CNTNAP2: variants seen among roughly 807,000 people sequenced by gnomAD.
CNTNAP2 encodes the protein contactin-associated protein-like 2.
Under a neutral mutation model 155.2 loss-of-function variants are expected in CNTNAP2, and 98 were observed. The observed-to-expected ratio is 0.63, with a 90% CI of 0.54 to 0.75. CNTNAP2 has a LOEUF of 0.75. CNTNAP2 is among the 30% of genes least tolerant of loss of function. The probability of loss-of-function intolerance (pLI) is 0.00; values close to 1 mark genes in which losing one functional copy is unlikely to be tolerated. For synonymous variants in CNTNAP2, 651 were observed against 631.2 expected (o/e 1.03, Z -0.47); for missense variants, 1,727 against 1,688.1 (o/e 1.02, Z -0.40).
At chr7:146,640,554 C>T (rs181223062) in intron 1 of CNTNAP2, among the ~76,000 whole-genome samples, 2 of 152,124 alleles carry the variant, frequency 1.3e-5, no homozygotes, top group African/African-American at 2.4e-5. Flanking sequence ...GGAAATTTAG[C>T]AAATTAGTTT....
intron 21 of CNTNAP2, among the ~76,000 whole-genome samples, chr7:148,347,727 A>G (rs1221007153): frequency 6.6e-6 from 1 of 152,272 alleles, no homozygotes; most frequent in African/African-American, 2.4e-5. Flanking sequence ...AGAGAAGCTC[A>G]GAGACCAACA....
At position 146,334,430 on chromosome 7, in the gene CNTNAP2, C is replaced by CAAAA. The variant is rs1179295401; in HGVS notation, c.97+217471_97+217474dup. Among the ~76,000 whole-genome samples, 269 of 94,026 alleles carry CAAAA rather than the reference C, an allele frequency of 2.9e-3. 2 individuals carry two copies. In the Middle Eastern group the frequency reaches 0.029, roughly 10 times the overall value. The allele number at this position is 94,026 out of a possible 152,430, so 61.7% of individuals were successfully genotyped here. A position where few individuals can be genotyped will look rare whatever the true frequency, so the allele number is the denominator to read the frequency against. On this transcript the variant is annotated intron_variant, in intron 1 of 23. Transcript: ENST00000361727. ...TGGGCGACAGAGCAAGACTCCGTCT[C>CAAAA]AAAAAAAAAAAAAAAAAGCATCCAA...
chr7:146,745,250 C>A (rs1015902762), intron 1 of CNTNAP2, among the ~76,000 whole-genome samples: 3 of 152,122 alleles, frequency 2.0e-5, no homozygotes, highest in Non-Finnish European at 4.4e-5. Context: ...TGCTAGGCAC[C>A]CAGAATTAGT....
At chr7:146,259,609 G>A (rs1186089694) in intron 1 of CNTNAP2, among the ~76,000 whole-genome samples, 2 of 152,158 alleles carry the variant, frequency 1.3e-5, no homozygotes, top group Admixed American at 6.6e-5. Context: ...AAACTTAGGA[G>A]AGATGATTTA....
At chr7:147,502,528 G>T (rs1049345666) in intron 11 of CNTNAP2, among the ~76,000 whole-genome samples, 4 of 152,054 alleles carry the variant, frequency 2.6e-5, no homozygotes, top group Non-Finnish European at 5.9e-5. Context: ...TGATCAAAAG[G>T]TACAAACTTT....
intron 1 of CNTNAP2, among the ~76,000 whole-genome samples, chr7:146,250,194 T>G (rs1313503619): frequency 2.6e-5 from 4 of 152,198 alleles, no homozygotes; most frequent in Admixed American, 2.6e-4. Flanking sequence ...AAAAGAGAGA[T>G]GATAATAGTA....
At chr7:147,624,910 G>T (rs1794940721) in intron 12 of CNTNAP2, among the ~76,000 whole-genome samples, 1 of 152,126 alleles carries the variant, frequency 6.6e-6, no homozygotes, top group African/African-American at 2.4e-5. Flanking sequence ...ATACACAATG[G>T]AGTACTATTC....
At chr7:148,348,528 A>T (rs1054716250) in intron 21 of CNTNAP2, among the ~76,000 whole-genome samples, 2 of 152,230 alleles carry the variant, frequency 1.3e-5, no homozygotes, top group Non-Finnish European at 2.9e-5. Flanking sequence ...TCATCGCCCT[A>T]TGAGAGAGGC....
At chr7:146,932,530 A>G (rs1021380942) in intron 3 of CNTNAP2, among the ~76,000 whole-genome samples, 1 of 152,182 alleles carries the variant, frequency 6.6e-6, no homozygotes, top group African/African-American at 2.4e-5. Context: ...CTGGCACAAG[A>G]CAGGGATGCC....
chr7:148,043,884 C>T (rs921018866), intron 15 of CNTNAP2, among the ~76,000 whole-genome samples: 5 of 152,178 alleles, frequency 3.3e-5, no homozygotes, highest in Admixed American at 6.5e-5. Flanking sequence ...TTTTCATAAC[C>T]GCTTTTAGCC....
intron 21 of CNTNAP2, among the ~76,000 whole-genome samples, chr7:148,318,943 A>G (rs1797739259): frequency 6.6e-6 from 1 of 152,234 alleles, no homozygotes; most frequent in South Asian, 2.1e-4. Flanking sequence ...TACATTTTCA[A>G]AGTTATCAGT....
chr7:146,423,632 T>A (rs1796045702), intron 1 of CNTNAP2, among the ~76,000 whole-genome samples: 2 of 152,210 alleles, frequency 1.3e-5, no homozygotes, highest in South Asian at 4.1e-4. Flanking sequence ...GAGAGGAATG[T>A]CCAGAAGCCT....
At chr7:146,423,505 T>C (rs1433045211) in intron 1 of CNTNAP2, among the ~76,000 whole-genome samples, 1 of 152,166 alleles carries the variant, frequency 6.6e-6, no homozygotes, top group Admixed American at 6.6e-5. Context: ...GAATGATTGA[T>C]TCCTACTCTT....
intron 1 of CNTNAP2, among the ~76,000 whole-genome samples, chr7:146,441,113 G>A (rs1479891979): frequency 6.6e-6 from 1 of 151,492 alleles, no homozygotes. Context: ...GGTGATCAGA[G>A]GATACATTCA....
At chr7:148,177,898 T>G (rs1450776936) in intron 18 of CNTNAP2, among the ~76,000 whole-genome samples, 1 of 151,650 alleles carries the variant, frequency 6.6e-6, no homozygotes, top group Non-Finnish European at 1.5e-5. Context: ...AGACACTGTT[T>G]TTTTTTTTTT....
chr7:146,548,640 G>A (rs930637019), intron 1 of CNTNAP2, among the ~76,000 whole-genome samples: 10 of 152,018 alleles, frequency 6.6e-5, no homozygotes, highest in Non-Finnish European at 1.0e-4. Context: ...GTCTTCTTTG[G>A]ATGAAAGTCT....
At chr7:146,677,913 C>T (rs237490) in intron 1 of CNTNAP2, among the ~76,000 whole-genome samples, 7,464 of 152,042 alleles carry the variant, frequency 0.049, 668 homozygotes, top group African/African-American at 0.17. Flanking sequence ...AGGGTGAAGG[C>T]ATGACTGATG....
chr7:148,061,998 G>GAT (rs1563185571), intron 15 of CNTNAP2, among the ~76,000 whole-genome samples: 1 of 114,000 alleles, frequency 8.8e-6, no homozygotes, highest in Non-Finnish European at 1.7e-5. Context: ...TAGATAGATA[G>GAT]ATAGATAGAT....
intron 3 of CNTNAP2, among the ~76,000 whole-genome samples, chr7:146,926,313 A>T (rs998186541): frequency 6.6e-6 from 1 of 151,730 alleles, no homozygotes; most frequent in African/African-American, 2.4e-5. Context: ...CTTGAAAAGG[A>T]TACTCTTCTC....
Sources: allele counts gnomAD v4.1 joint callset (sites outside exome capture counted in the v4.1 genomes callset), GRCh38; gene constraint gnomAD v4.1.1; transcripts MANE v1.5; gene names NCBI Gene and HGNC (gene_info 2026-07-23, HGNC 2026-07-21).